Variants in OPCML observed in about 807,000 individuals in gnomAD.
The protein encoded by OPCML is opioid binding protein/cell adhesion molecule like.
In OPCML, 13 loss-of-function variants were observed where a neutral mutation model predicts 37.8. The observed-to-expected ratio is 0.34, with a 90% confidence interval of 0.22 to 0.55. The LOEUF (loss-of-function observed/expected upper bound fraction) is 0.55, where lower values mean the gene tolerates loss of function less well. Ranked by LOEUF, OPCML falls within the 20% of genes least tolerant of loss-of-function variation. The pLI is 0.91. For missense variants in OPCML, 341 were observed against 435.6 expected, an observed-to-expected ratio of 0.78 and a Z score of 1.93; for synonymous variants, 176 against 168.8, an observed-to-expected ratio of 1.04 and a Z score of -0.33.
rs71067383 is a variant in OPCML, at chr11:132,638,186, T to TATATATATATATATATATATATATAC, written c.379+18900_379+18901insGTATATATATATATATATATATATAT. Among the ~76,000 whole-genome samples the TATATATATATATATATATATATATAC allele has an allele frequency of 9.4e-4, 123 of 131,008 alleles. 2 individuals are homozygous for TATATATATATATATATATATATATAC. Among genetic ancestry groups the TATATATATATATATATATATATATAC allele is most frequent in the South Asian group, 3.2e-3 (12 of 3,806 alleles). 85.9% of individuals were successfully genotyped at this position (131,008 alleles called of 152,430 possible). A position where few individuals can be genotyped will look rare whatever the true frequency, so the allele number is the denominator to read the frequency against. On this transcript the variant is annotated intron_variant, in intron 3 of 7. Coordinates refer to ENST00000524381, the MANE Select transcript of OPCML (RefSeq NM_001012393.5). ...GACTATATATATATATATATATATA[T>TATATATATATATATATATATATATAC]ACAGAGAGAGAGAGAGCATATATAC...
At position 132,842,326 on chromosome 11, in the gene OPCML, G is replaced by A. The variant is rs534123236; in HGVS notation, c.146+100600C>T. Among the ~76,000 whole-genome samples the A allele has an allele frequency of 1.4e-4, 21 of 152,280 alleles. No individual in the cohort carries two copies. In the South Asian group the frequency reaches 2.9e-3, roughly 21 times the overall value. Reference sequence around the variant, plus strand: ...CTTGCTAGAGGTCGCTGAGGGTCACGCTGATGGAATGATATCTGTATTAAC... The same window carrying A: ...CTTGCTAGAGGTCGCTGAGGGTCACACTGATGGAATGATATCTGTATTAAC... On this transcript the variant is annotated intron_variant, in intron 2 of 7. Transcript: ENST00000524381.
intron 2 of OPCML, among the ~76,000 whole-genome samples, chr11:132,878,387 T>A (rs1390153045): frequency 6.6e-6 from 1 of 152,190 alleles, no homozygotes; most frequent in African/African-American, 2.4e-5. Flanking sequence ...ATGGGCCTCA[T>A]CCTATCTTTT....
chr11:132,552,594 G>A (rs991778948), intron 3 of OPCML, among the ~76,000 whole-genome samples: 2 of 152,072 alleles, frequency 1.3e-5, no homozygotes, highest in Admixed American at 1.3e-4. Flanking sequence ...ATAACCTTCA[G>A]TATTCCTAAA....
intron 1 of OPCML, chr11:133,302,117 G>C (rs1382241505): frequency 3.3e-5 from 5 of 152,170 alleles, no homozygotes; most frequent in Non-Finnish European, 7.3e-5. Flanking sequence ...AGTCCATTGT[G>C]AGCTAAGATA....
chr11:132,492,839 G>A (rs143223876), intron 4 of OPCML, among the ~76,000 whole-genome samples: 4 of 152,290 alleles, frequency 2.6e-5, no homozygotes, highest in African/African-American at 9.6e-5. Flanking sequence ...ACAGTAAATT[G>A]CTCAGTAAAT....
At chr11:133,277,414 C>T (rs771471235) in intron 1 of OPCML, among the ~76,000 whole-genome samples, 2 of 151,688 alleles carry the variant, frequency 1.3e-5, no homozygotes, top group African/African-American at 2.4e-5. Flanking sequence ...ACAAAACAAA[C>T]ATTTTAGGCA....
At position 133,046,471 on chromosome 11, in the gene OPCML, G is replaced by C. The variant is rs556998333; in HGVS notation, c.62-103461C>G. Among the ~76,000 whole-genome samples the C allele has an allele frequency of 3.5e-3, 531 of 152,178 alleles. 3 individuals carry two copies. The highest frequency in any genetic ancestry group is 5.4e-3 in the Non-Finnish European group (368 of 68,012). ...GTCTGTTCTTGCAGGAATGAGCCAC[G>C]GCCTCCCTCCCCTTGTCCTCTGCTG... On this transcript the variant is annotated intron_variant, in intron 1 of 7. Coordinates refer to ENST00000524381, the MANE Select transcript of OPCML (RefSeq NM_001012393.5).
At chr11:133,116,720 T>G (rs1949338987) in intron 1 of OPCML, among the ~76,000 whole-genome samples, 1 of 152,062 alleles carries the variant, frequency 6.6e-6, no homozygotes, top group Non-Finnish European at 1.5e-5. Context: ...AGGTAGCATC[T>G]GGGAAGTTTC....
chr11:133,414,572 G>T (rs896352584), intron 1 of OPCML, among the ~76,000 whole-genome samples: 4 of 152,044 alleles, frequency 2.6e-5, no homozygotes, highest in Non-Finnish European at 5.9e-5. Flanking sequence ...AGCAAAGTTT[G>T]CTTTACACAC....
At chr11:133,044,577 T>C (rs1947971773) in intron 1 of OPCML, among the ~76,000 whole-genome samples, 1 of 152,190 alleles carries the variant, frequency 6.6e-6, no homozygotes, top group South Asian at 2.1e-4. Flanking sequence ...TTATTGAATG[T>C]TTACTCTCAG....
intron 7 of OPCML, among the ~76,000 whole-genome samples, chr11:132,432,709 G>C (rs1476069367): frequency 6.6e-6 from 1 of 152,128 alleles, no homozygotes; most frequent in Non-Finnish European, 1.5e-5. Flanking sequence ...TTAGGTCCTA[G>C]GGATTAAGCC....
chr11:132,483,514 G>GCCGTC (rs1197925182), intron 4 of OPCML, among the ~76,000 whole-genome samples: 1 of 152,078 alleles, frequency 6.6e-6, no homozygotes, highest in Non-Finnish European at 1.5e-5. Flanking sequence ...CAGATTCAAT[G>GCCGTC]CCGTCCCCAT....
intron 1 of OPCML, among the ~76,000 whole-genome samples, chr11:132,948,914 A>G (rs1256680156): frequency 6.6e-6 from 1 of 152,234 alleles, no homozygotes; most frequent in Admixed American, 6.5e-5. Flanking sequence ...ACAATTTGTA[A>G]CAGAAAATGC....
At chr11:133,155,082 G>C (rs947252980) in intron 1 of OPCML, among the ~76,000 whole-genome samples, 14 of 152,088 alleles carry the variant, frequency 9.2e-5, no homozygotes, top group Non-Finnish European at 1.8e-4. Context: ...ATGCTACTGG[G>C]AAGGTCTCTT....
intron 4 of OPCML, among the ~76,000 whole-genome samples, chr11:132,451,382 C>T (rs1415239502): frequency 1.7e-4 from 8 of 48,146 alleles, no homozygotes; most frequent in Non-Finnish European, 2.5e-4. Context: ...AGGGCTGGGG[C>T]GGGGGTGGGG....
chr11:132,493,537 T>C (rs900800546), intron 4 of OPCML, among the ~76,000 whole-genome samples: 19 of 152,178 alleles, frequency 1.2e-4, no homozygotes, highest in African/African-American at 4.6e-4. Flanking sequence ...CGTCCCTTTA[T>C]AGCTTTTATA....
At chr11:133,378,102 G>A (rs760822646) in intron 1 of OPCML, among the ~76,000 whole-genome samples, 8 of 152,334 alleles carry the variant, frequency 5.3e-5, no homozygotes, top group Non-Finnish European at 8.8e-5. Context: ...TGCGTCAGGC[G>A]TTTAGAAGAA....
chr11:132,828,416 GT>G (rs1940491934), intron 2 of OPCML, among the ~76,000 whole-genome samples: 1 of 152,246 alleles, frequency 6.6e-6, no homozygotes, highest in African/African-American at 2.4e-5. Flanking sequence ...ATGTGCCAAT[GT>G]TGGTTTATTG....
At chr11:132,636,150 AT>A (rs536975856) in intron 3 of OPCML, among the ~76,000 whole-genome samples, 2 of 151,994 alleles carry the variant, frequency 1.3e-5, no homozygotes, top group Non-Finnish European at 2.9e-5. Context: ...TGCTTTTATT[AT>A]TTTTTTAATA....
Sources: gnomAD v4.1 joint callset for allele counts (sites outside exome capture counted in the v4.1 genomes callset) on GRCh38, gnomAD v4.1.1 for gene constraint, MANE v1.5 for transcripts, NCBI Gene and HGNC (gene_info 2026-07-23, HGNC 2026-07-21) for gene names.